RNF128: variants seen among roughly 807,000 people sequenced by gnomAD.
The protein encoded by RNF128 is ring finger protein 128, also known as E3 ubiquitin-protein ligase RNF128.
A neutral mutation model predicts 26.2 loss-of-function variants in RNF128; 13 were observed. The observed-to-expected ratio is 0.50, with a 90% CI of 0.32 to 0.79. RNF128 has a LOEUF of 0.79. RNF128 is among the 30% of genes least tolerant of loss of function. The pLI is 0.03. For synonymous variants in RNF128, 149 were observed against 142.5 expected (o/e 1.05, Z -0.32); for missense variants, 315 against 349.7 (o/e 0.90, Z 0.79).
chrX:106,784,234 G>A (rs1374833380), intron 2 of RNF128, among the ~76,000 whole-genome samples: 1 of 111,408 alleles, frequency 9.0e-6, no homozygotes, highest in Non-Finnish European at 1.9e-5. Context: ...TATCACCTGG[G>A]ATTTTTTCCT....
exon 1 of RNF128, chrX:106,694,223 A>G (rs1928835109): frequency 8.3e-7 from 1 of 1,208,331 alleles, no homozygotes; most frequent in African/African-American, 1.8e-5. Flanking sequence ...AAGAACAATA[A>G]CTACCAAGCT....
At chrX:106,771,138 C>A (rs1028036126) in intron 1 of RNF128, among the ~76,000 whole-genome samples, 1 of 112,152 alleles carries the variant, frequency 8.9e-6, no homozygotes, top group Admixed American at 9.4e-5. Flanking sequence ...GAGGGGCACC[C>A]CACTGTATGA....
At chrX:106,717,117 G>C (rs1929230379) in intron 1 of RNF128, among the ~76,000 whole-genome samples, 2 of 109,874 alleles carry the variant, frequency 1.8e-5, no homozygotes, top group Admixed American at 1.9e-4. Flanking sequence ...GCAGGAGAAT[G>C]GCGTGGACCC....
At chrX:106,704,890 TGGTTTATCAATGTAAA>T (rs1929021231) in intron 1 of RNF128, among the ~76,000 whole-genome samples, 1 of 111,910 alleles carries the variant, frequency 8.9e-6, no homozygotes, top group Admixed American at 9.5e-5. Flanking sequence ...GTATGGTACT[TGGTTTATCAATGTAAA>T]GGGCTGGCAT....
intron 1 of RNF128, among the ~76,000 whole-genome samples, chrX:106,705,662 A>T (rs1603079600): frequency 8.9e-6 from 1 of 111,970 alleles, no homozygotes; most frequent in South Asian, 3.8e-4. Context: ...TTTTTCAGAA[A>T]TAATTTTTCA....
chrX:106,784,402 G>A (rs777506485), intron 2 of RNF128, among the ~76,000 whole-genome samples: 2 of 111,766 alleles, frequency 1.8e-5, no homozygotes, highest in Admixed American at 9.6e-5. Context: ...AAATGAGCCT[G>A]TGGCTTGCTT....
At chrX:106,694,031 T>C (rs140530361) in exon 1 of RNF128, 12 of 1,197,844 alleles carry the variant, frequency 1.0e-5, no homozygotes, top group Middle Eastern at 2.3e-4. Flanking sequence ...TCCAGTTTTT[T>C]TTGGCTCCTT....
chrX:106,751,116 C>A, intron 1 of RNF128, among the ~76,000 whole-genome samples: 1 of 111,372 alleles, frequency 9.0e-6, no homozygotes, highest in Non-Finnish European at 1.9e-5. Flanking sequence ...TTGTAAGAAT[C>A]AAAAATCAGG....
At chrX:106,765,980 G>C (rs1219903983) in intron 1 of RNF128, among the ~76,000 whole-genome samples, 1 of 105,118 alleles carries the variant, frequency 9.5e-6, no homozygotes, top group East Asian at 3.0e-4. Flanking sequence ...TTGGTTTTCT[G>C]TCTTGGTGAT....
intron 1 of RNF128, among the ~76,000 whole-genome samples, chrX:106,696,592 C>CA (rs1928877059): frequency 9.0e-6 from 1 of 111,272 alleles, no homozygotes; most frequent in Admixed American, 9.6e-5. Context: ...TCTGTCATCT[C>CA]ATCTTGTATT....
chrX:106,770,568 G>A (rs935600320), intron 1 of RNF128, among the ~76,000 whole-genome samples: 30 of 111,264 alleles, frequency 2.7e-4, no homozygotes, highest in African/African-American at 6.9e-4. Flanking sequence ...CATGCACCAC[G>A]TAGTCCTCAT....
At chrX:106,721,792 C>T (rs1331796677), upstream of RNF128, among the ~76,000 whole-genome samples, 2 of 111,956 alleles carry the variant, frequency 1.8e-5, no homozygotes, top group Non-Finnish European at 3.8e-5. Flanking sequence ...AGAGTCAGAA[C>T]GGCATTGGAA....
At chrX:106,773,927 C>T (rs1294350850) in intron 2 of RNF128, among the ~76,000 whole-genome samples, 6 of 111,228 alleles carry the variant, frequency 5.4e-5, no homozygotes, top group Non-Finnish European at 9.4e-5. Context: ...CTTCAGTTCC[C>T]GTGGCCCTTC....
At chrX:106,794,586 A>G (rs1930882613) in intron 6 of RNF128, among the ~76,000 whole-genome samples, 1 of 110,713 alleles carries the variant, frequency 9.0e-6, no homozygotes. Flanking sequence ...GAGGCCTTTT[A>G]CTGGAGAATA....
At chrX:106,748,734 G>T (rs922755754) in intron 1 of RNF128, among the ~76,000 whole-genome samples, 3 of 111,428 alleles carry the variant, frequency 2.7e-5, no homozygotes, top group African/African-American at 9.8e-5. Flanking sequence ...CATGAAGATA[G>T]AGAGTAGATT....
intron 1 of RNF128, among the ~76,000 whole-genome samples, chrX:106,715,250 T>C (rs1224244907): frequency 1.8e-5 from 2 of 112,044 alleles, no homozygotes; most frequent in Non-Finnish European, 3.8e-5. Flanking sequence ...TTCTGGTAGG[T>C]ATGCAGTGAT....
At chrX:106,753,841 TAA>T (rs1929945708) in intron 1 of RNF128, among the ~76,000 whole-genome samples, 1 of 111,411 alleles carries the variant, frequency 9.0e-6, no homozygotes, top group Non-Finnish European at 1.9e-5. Flanking sequence ...ACAAAAACTA[TAA>T]AAAGAGATAA....
intron 1 of RNF128, among the ~76,000 whole-genome samples, chrX:106,768,394 G>C (rs1349657392): frequency 9.0e-6 from 1 of 111,187 alleles, no homozygotes; most frequent in Non-Finnish European, 1.9e-5. Flanking sequence ...AATTTCAGAG[G>C]CTGTTATTGG....
chrX:106,713,337 C>T (rs1929162450), intron 1 of RNF128, among the ~76,000 whole-genome samples: 2 of 108,813 alleles, frequency 1.8e-5, no homozygotes, highest in Admixed American at 9.6e-5. Context: ...GGCGAAACCC[C>T]GTCTCTACTA....
Sources: gnomAD v4.1 joint callset for allele counts (sites outside exome capture counted in the v4.1 genomes callset) on GRCh38, gnomAD v4.1.1 for gene constraint, MANE v1.5 for transcripts, NCBI Gene and HGNC (gene_info 2026-07-23, HGNC 2026-07-21) for gene names.